Variants in EPHB2 observed in about 807,000 individuals in gnomAD.
The protein encoded by EPHB2 is EPH receptor B2.
EPHB2 carries 18 observed loss-of-function variants against 96.4 expected under a neutral mutation model. The observed-to-expected ratio is 0.19, with a 90% CI of 0.13 to 0.28. The LOEUF is 0.28. Ranked by LOEUF, EPHB2 falls within the 10% of genes least tolerant of loss-of-function variation. The pLI is 1.00. For missense variants in EPHB2, 989 were observed against 1,355.4 expected, an observed-to-expected ratio of 0.73 and a Z score of 4.25; for synonymous variants, 506 against 534.1, an observed-to-expected ratio of 0.95 and a Z score of 0.72.
At chr1:22,796,361 T>G (rs974963487) in intron 3 of EPHB2, among the ~76,000 whole-genome samples, 3 of 152,200 alleles carry the variant, frequency 2.0e-5, no homozygotes, top group Admixed American at 2.0e-4. Context: ...TTTCTGCTCC[T>G]TCCTCGGGCC....
rs373982551 is a variant in EPHB2, at chr1:22,913,619, C to T, written c.*49C>T. 1.7e-5 allele frequency: 28 copies of T among 1,610,426 alleles called. 1 individual carries two copies. The highest frequency in any genetic ancestry group is 2.3e-5 in the Non-Finnish European group (27 of 1,178,426). On this transcript the variant is annotated 3_prime_UTR_variant, in exon 16 of 16. Coordinates refer to ENST00000374630, the MANE Select transcript of EPHB2 (RefSeq NM_017449.5). This position sits in a 1 kb window ranked among gnomAD's most constrained non-coding sequence, Gnocchi z 4.1. ...CTTCCTCCAAGCCCCGCCCCCTCTG[C>T]CCCACGTGCCGGCCCTCCTGGTGCT...
At chr1:22,854,469 A>G (rs1406924807) in intron 3 of EPHB2, among the ~76,000 whole-genome samples, 3 of 152,102 alleles carry the variant, frequency 2.0e-5, no homozygotes, top group East Asian at 1.9e-4. Flanking sequence ...CCGTGATTGC[A>G]CCACTGCACT....
rs1224799943 is a variant in EPHB2, at chr1:22,757,908, C to CT, written c.62-23485dup. Reference sequence around the variant, plus strand: ...CCATGCTCACTATGTGTAAGCTATGCTTTTTTTTTTTTTTTTTTTTTTTTT... The same window carrying CT: ...CCATGCTCACTATGTGTAAGCTATGCTTTTTTTTTTTTTTTTTTTTTTTTTT... On this transcript the variant is annotated intron_variant, in intron 1 of 15. Coordinates refer to ENST00000374630, the MANE Select transcript of EPHB2 (RefSeq NM_017449.5). Among the ~76,000 whole-genome samples the CT allele has an allele frequency of 3.3e-3, 179 of 54,150 alleles. 26 individuals are homozygous for CT. The highest frequency in any genetic ancestry group is 0.012 in the African/African-American group (165 of 13,702). 35.5% of individuals were successfully genotyped at this position (54,150 alleles called of 152,430 possible). A position where few individuals can be genotyped will look rare whatever the true frequency, so the allele number is the denominator to read the frequency against.
intron 8 of EPHB2, among the ~76,000 whole-genome samples, chr1:22,896,211 G>A (rs761190420): frequency 6.6e-6 from 1 of 152,194 alleles, no homozygotes; most frequent in Non-Finnish European, 1.5e-5. Flanking sequence ...TGGCTGGAGG[G>A]GGAGGAACTG....
At chr1:22,893,239 G>C (rs777042654) in intron 7 of EPHB2, among the ~76,000 whole-genome samples, 193 bp downstream of exon 7, 25 of 152,300 alleles carry the variant, frequency 1.6e-4, no homozygotes, top group Non-Finnish European at 3.4e-4. Context: ...TGTTCCCGTT[G>C]TGTCAGCCAG....
chr1:22,773,424 G>A (rs1644405565), intron 1 of EPHB2, among the ~76,000 whole-genome samples: 1 of 152,160 alleles, frequency 6.6e-6, no homozygotes, highest in African/African-American at 2.4e-5. Context: ...GGTGCAACAG[G>A]AACCGCTGGG....
chr1:22,912,638 C>G lies in EPHB2; in HGVS notation c.2852+39C>G, dbSNP rs1299788933. 2.5e-6 allele frequency: 4 copies of G among 1,610,044 alleles called. No individual in the cohort carries two copies. The Admixed American group carries it at 5.0e-5, about 20-fold the overall frequency. ...CACTTCTGCTTGTCACCTTAGCACC[C>G]CCTCTCCACCGGCCCCACCAGCCAA... On this transcript the variant is annotated intron_variant, in intron 15 of 15. Transcript: ENST00000374630.
chr1:22,784,493 G>C lies in EPHB2; in HGVS notation c.228G>C (p.Lys76Asn). ...ESSQNNWLRT[K>N]FIRRRGAHRI... is the part of the protein sequence containing the mutation. ...GCCAGAACAACTGGCTACGGACCAAGTTTATCCGGCGCCGTGGCGCCCACC... is the reference window on the plus strand; with the variant it reads ...GCCAGAACAACTGGCTACGGACCAACTTTATCCGGCGCCGTGGCGCCCACC... The change falls in exon 3 of 16, where the codon AAG becomes AAC. Residue 76 changes from lysine to asparagine, a missense_variant. By Grantham distance (94) the Lys-to-Asn change is moderately conservative (BLOSUM62 0). Transcript: ENST00000374630. The surrounding 1 kb of genome is among the most constrained non-coding windows in gnomAD (Gnocchi z 5.1). The C allele has an allele frequency of 6.2e-7, 1 of 1,613,920 alleles. No homozygotes were observed. Among genetic ancestry groups the C allele is most frequent in the Non-Finnish European group, 8.5e-7 (1 of 1,179,772 alleles).
At chr1:22,776,675 C>T (rs1041940847) in intron 1 of EPHB2, among the ~76,000 whole-genome samples, 1 of 152,204 alleles carries the variant, frequency 6.6e-6, no homozygotes, top group Non-Finnish European at 1.5e-5. Context: ...CATTTATAAT[C>T]ATGATTACGC....
intron 3 of EPHB2, among the ~76,000 whole-genome samples, chr1:22,786,316 C>A (rs1197928437): frequency 6.6e-6 from 1 of 152,216 alleles, no homozygotes; most frequent in African/African-American, 2.4e-5. Context: ...AGCCCAGATG[C>A]TCAGCCTGTG....
At chr1:22,837,804 G>T (rs1030749864) in intron 3 of EPHB2, among the ~76,000 whole-genome samples, 3 of 152,182 alleles carry the variant, frequency 2.0e-5, no homozygotes, top group Admixed American at 6.5e-5. Flanking sequence ...TGGAAGGGCT[G>T]GCTCTTGTTT....
rs1644575321 is a variant in EPHB2 at position 22,784,246 on chromosome 1, CT to C, written c.127-145del. Reference sequence around the variant, plus strand: ...TGCCTTTCCCACCTGATTGGCATGTCTCCCCCATCAGATTGGGAATTCTCTG... The same window carrying C: ...TGCCTTTCCCACCTGATTGGCATGTCCCCCCATCAGATTGGGAATTCTCTG... On this transcript the variant is annotated intron_variant, in intron 2 of 15. Transcript: ENST00000374630. The surrounding 1 kb of genome is among the most constrained non-coding windows in gnomAD (Gnocchi z 5.1). The C allele has an allele frequency of 2.6e-6, 2 of 754,924 alleles. No individual in the cohort carries two copies. The highest frequency in any genetic ancestry group is 3.4e-5 in the African/African-American group (2 of 58,126). The allele number at this position is 754,924 out of a possible 1,614,324, so 46.8% of individuals were successfully genotyped here. A position where few individuals can be genotyped will look rare whatever the true frequency, so the allele number is the denominator to read the frequency against.
intron 3 of EPHB2, among the ~76,000 whole-genome samples, chr1:22,821,704 C>T (rs1008209313): frequency 6.6e-6 from 1 of 152,160 alleles, no homozygotes; most frequent in African/African-American, 2.4e-5. Flanking sequence ...GGGTAGTTGC[C>T]CTTTGGGGCT....
intron 3 of EPHB2, among the ~76,000 whole-genome samples, chr1:22,852,824 C>T (rs1343617424): frequency 6.6e-6 from 1 of 152,238 alleles, no homozygotes; most frequent in South Asian, 2.1e-4. Context: ...TCTGTGCCAG[C>T]TCTGTACCAG....
Position 22,905,828 on chromosome 1 carries a change from T to C in EPHB2, c.1766-159T>C, listed in dbSNP as rs1639893633. ...ACTCAGTTCACGCCCATCTGCTCAG[T>C]AAGCCCCAGAGAGGTCAAGTGACCT... On this transcript the variant is annotated intron_variant, in intron 9 of 15. Transcript: ENST00000374630. Among the ~76,000 whole-genome samples the C allele has an allele frequency of 3.9e-5, 6 of 152,202 alleles. No homozygotes were observed. In the South Asian group the frequency reaches 1.2e-3, roughly 31 times the overall value.
At chr1:22,803,383 G>C (rs2148450549) in intron 3 of EPHB2, among the ~76,000 whole-genome samples, 1 of 152,150 alleles carries the variant, frequency 6.6e-6, no homozygotes, top group South Asian at 2.1e-4. Flanking sequence ...GAAGCTGGAG[G>C]ATCACTTGAG....
chr1:22,874,933 C>A (rs985467000), intron 5 of EPHB2, among the ~76,000 whole-genome samples: 1 of 152,226 alleles, frequency 6.6e-6, no homozygotes, highest in East Asian at 1.9e-4. Flanking sequence ...TGGGTTAAAC[C>A]GAGTTAACTG....
At chr1:22,753,790 A>G (rs1232097450) in intron 1 of EPHB2, among the ~76,000 whole-genome samples, 2 of 150,196 alleles carry the variant, frequency 1.3e-5, no homozygotes, top group South Asian at 2.1e-4. Flanking sequence ...GTGTGGATCT[A>G]TCATCCCAGT....
chr1:22,775,149 T>C (rs1644431789), intron 1 of EPHB2: 1 of 778,378 alleles, frequency 1.3e-6, no homozygotes, highest in Admixed American at 1.7e-5. Flanking sequence ...TGTCTGTTTT[T>C]TAAGGCTATG....
Sources: gnomAD v4.1 joint callset for allele counts (sites outside exome capture counted in the v4.1 genomes callset) on GRCh38, gnomAD v4.1.1 for gene constraint, Gnocchi (gnomAD v3.1) non-coding constraint, MANE v1.5 for transcripts, NCBI Gene and HGNC (gene_info 2026-07-23, HGNC 2026-07-21) for gene names.